NKAIN2: variants seen among roughly 807,000 people sequenced by gnomAD.
NKAIN2 encodes the protein sodium/potassium-transporting ATPase subunit beta-1-interacting protein 2.
In NKAIN2, 14 loss-of-function variants were observed where a neutral mutation model predicts 32.6. That is an observed-to-expected ratio of 0.43 (90% confidence interval 0.28 to 0.67). The LOEUF (loss-of-function observed/expected upper bound fraction) is 0.67. Among genes scored for constraint, NKAIN2 ranks in the 30% least tolerant of loss-of-function variants. The probability of loss-of-function intolerance (pLI) is 0.17; values close to 1 mark genes in which losing one functional copy is unlikely to be tolerated. For missense variants in NKAIN2, 198 were observed against 258.3 expected (o/e 0.77, Z 1.60); for synonymous variants, 80 against 87.2 (o/e 0.92, Z 0.46).
intron 1 of NKAIN2, among the ~76,000 whole-genome samples, chr6:124,277,299 T>G (rs1270175026): frequency 6.6e-6 from 1 of 152,152 alleles, no homozygotes; most frequent in Non-Finnish European, 1.5e-5. Flanking sequence ...TTCTGTAGGT[T>G]AGGCTGGAAG....
At chr6:124,056,537 C>A (rs9285453) in intron 1 of NKAIN2, among the ~76,000 whole-genome samples, 1 of 151,684 alleles carries the variant, frequency 6.6e-6, no homozygotes, top group Non-Finnish European at 1.5e-5. Flanking sequence ...CAGTGCATAA[C>A]ACAGACTCTC....
At chr6:124,335,834 T>C (rs1287794241) in intron 2 of NKAIN2, among the ~76,000 whole-genome samples, 1 of 152,168 alleles carries the variant, frequency 6.6e-6, no homozygotes, top group Non-Finnish European at 1.5e-5. Flanking sequence ...ACTGGTTAAG[T>C]TGAAACTTGC....
At chr6:124,727,580 C>T (rs1326059646) in intron 4 of NKAIN2, among the ~76,000 whole-genome samples, 1 of 151,936 alleles carries the variant, frequency 6.6e-6, no homozygotes, top group Non-Finnish European at 1.5e-5. Context: ...AAAGGAACAA[C>T]CCGTACCAGC....
chr6:124,107,262 A>G (rs1785166275), intron 1 of NKAIN2, among the ~76,000 whole-genome samples: 1 of 152,208 alleles, frequency 6.6e-6, no homozygotes, highest in Admixed American at 6.5e-5. Context: ...TGTTGGCTTT[A>G]CTTGTGAGTT....
chr6:124,023,868 G>T (rs1375555490), intron 1 of NKAIN2, among the ~76,000 whole-genome samples: 1 of 151,972 alleles, frequency 6.6e-6, no homozygotes, highest in African/African-American at 2.4e-5. Flanking sequence ...TAACAAATAT[G>T]GCATCTAGAG....
At chr6:124,052,061 A>G (rs1782434623) in intron 1 of NKAIN2, among the ~76,000 whole-genome samples, 1 of 152,056 alleles carries the variant, frequency 6.6e-6, no homozygotes, top group African/African-American at 2.4e-5. Context: ...ATGCAGCAAT[A>G]TCAACAATAC....
intron 1 of NKAIN2, among the ~76,000 whole-genome samples, chr6:124,271,094 T>A (rs566886038): frequency 6.6e-6 from 1 of 152,300 alleles, no homozygotes; most frequent in South Asian, 2.1e-4. Context: ...AGTGGCAGTT[T>A]TTTTCTTTCT....
intron 1 of NKAIN2, among the ~76,000 whole-genome samples, chr6:123,983,701 A>G (rs904089914): frequency 1.3e-5 from 2 of 151,464 alleles, no homozygotes; most frequent in Non-Finnish European, 2.9e-5. Flanking sequence ...CTTAAATATT[A>G]TTTGATACTT....
At chr6:123,876,844 T>C (rs1403916317) in intron 1 of NKAIN2, among the ~76,000 whole-genome samples, 1 of 152,212 alleles carries the variant, frequency 6.6e-6, no homozygotes, top group African/African-American at 2.4e-5. Context: ...TCAGAAATAA[T>C]GTTTAATCTG....
rs369723753 is a variant in NKAIN2, at chr6:124,767,403, G to T, written c.475-23936G>T. On this transcript the variant is annotated intron_variant, in intron 4 of 6. Transcript: ENST00000368417. Reference sequence around the variant, plus strand: ...TTTGGTTTTCTGCTTTATGAAAGTGGGACTATTGTGGTTTGCCTCCTAATC... The same window carrying T: ...TTTGGTTTTCTGCTTTATGAAAGTGTGACTATTGTGGTTTGCCTCCTAATC... 9.9e-5 allele frequency among the ~76,000 whole-genome samples: 15 copies of T among 152,024 alleles called. No homozygotes were observed. The South Asian group carries it at 2.1e-3, about 21-fold the overall frequency.
At chr6:124,520,071 G>A (rs1779064988) in intron 3 of NKAIN2, among the ~76,000 whole-genome samples, 1 of 152,148 alleles carries the variant, frequency 6.6e-6, no homozygotes, top group African/African-American at 2.4e-5. Flanking sequence ...AAGCCTGTCT[G>A]CCTCTGGGGT....
At chr6:124,548,712 T>A (rs1296772518) in intron 3 of NKAIN2, among the ~76,000 whole-genome samples, 3 of 152,130 alleles carry the variant, frequency 2.0e-5, no homozygotes, top group Admixed American at 6.5e-5. Flanking sequence ...CTTCTGAATT[T>A]ACAGAGAAGG....
intron 1 of NKAIN2, among the ~76,000 whole-genome samples, chr6:124,242,216 A>T (rs908059793): frequency 1.3e-5 from 2 of 152,144 alleles, no homozygotes; most frequent in Non-Finnish European, 2.9e-5. Flanking sequence ...AAACAGCCCC[A>T]TCAAAAAGTG....
At chr6:124,139,124 C>G (rs1291129317) in intron 1 of NKAIN2, among the ~76,000 whole-genome samples, 1 of 128,090 alleles carries the variant, frequency 7.8e-6, no homozygotes, top group African/African-American at 3.1e-5. Flanking sequence ...CTCTGTCGCC[C>G]AGGCCGGACT....
intron 5 of NKAIN2, among the ~76,000 whole-genome samples, chr6:124,809,172 C>G (rs1466930010): frequency 6.6e-6 from 1 of 152,028 alleles, no homozygotes; most frequent in Non-Finnish European, 1.5e-5. Context: ...CCTGCATCGC[C>G]AAGTCAATCC....
At position 123,905,145 on chromosome 6, in the gene NKAIN2, A is replaced by G. The variant is rs540281500; in HGVS notation, c.54+100891A>G. Among the ~76,000 whole-genome samples the G allele has an allele frequency of 2.7e-3, 406 of 152,250 alleles. 2 individuals carry two copies. Among genetic ancestry groups the G allele is most frequent in the African/African-American group, 9.3e-3 (388 of 41,520 alleles). ...AATTTTTCTCTACTTTCAGGCTAAC[A>G]ATTTATTTAGCCTTCCACAGTTTCA... On this transcript the variant is annotated intron_variant, in intron 1 of 6. Transcript: ENST00000368417.
intron 1 of NKAIN2, among the ~76,000 whole-genome samples, chr6:124,124,864 C>A (rs1463973610): frequency 6.6e-6 from 1 of 152,132 alleles, no homozygotes; most frequent in Non-Finnish European, 1.5e-5. Flanking sequence ...AGTGTGGCCA[C>A]TATCGCCTTT....
chr6:123,849,960 TTGTTTGTTTG>T (rs1311097995), intron 1 of NKAIN2, among the ~76,000 whole-genome samples: 8 of 27,980 alleles, frequency 2.9e-4, no homozygotes, highest in Non-Finnish European at 1.0e-3. Flanking sequence ...TTTTTTTTTT[TTGTTTGTTTG>T]TTTTTTTTTT....
intron 4 of NKAIN2, among the ~76,000 whole-genome samples, chr6:124,706,809 T>C (rs1236215362): frequency 6.6e-6 from 1 of 152,184 alleles, no homozygotes; most frequent in African/African-American, 2.4e-5. Context: ...ACTGAATGCA[T>C]TAAAGGATGT....
Sources: allele counts gnomAD v4.1 joint callset (sites outside exome capture counted in the v4.1 genomes callset), GRCh38; gene constraint gnomAD v4.1.1; transcripts MANE v1.5; gene names NCBI Gene and HGNC (gene_info 2026-07-23, HGNC 2026-07-21).